TANC2: variants seen among roughly 807,000 people sequenced by gnomAD.
TANC2 encodes the protein protein TANC2.
TANC2 carries 26 observed loss-of-function variants against 210.5 expected under a neutral mutation model. The ratio of observed to expected loss-of-function variants is 0.12; its 90% CI spans 0.09 to 0.17. The LOEUF (loss-of-function observed/expected upper bound fraction) is 0.17, where lower values mean the gene tolerates loss of function less well. Among genes scored for constraint, TANC2 ranks in the 10% least tolerant of loss-of-function variants. The pLI is 1.00. For synonymous variants in TANC2, 931 were observed against 967.1 expected (o/e 0.96, Z 0.69); for missense variants, 2,129 against 2,608.9 (o/e 0.82, Z 4.01).
At chr17:63,405,768 T>C (rs369569441) in intron 20 of TANC2, among the ~76,000 whole-genome samples, 8 of 152,106 alleles carry the variant, frequency 5.3e-5, no homozygotes, top group African/African-American at 1.9e-4. Context: ...CCCTAAAGAG[T>C]TACCAGAGTC....
At chr17:63,098,475 CACACA>C (rs2037484913) in intron 3 of TANC2, among the ~76,000 whole-genome samples, 21 of 34,576 alleles carry the variant, frequency 6.1e-4, no homozygotes, top group African/African-American at 3.4e-3. Flanking sequence ...CACACACACA[CACACA>C]TACACTCTCT....
chr17:63,093,696 A>G (rs7208851), intron 3 of TANC2, among the ~76,000 whole-genome samples: 2 of 152,182 alleles, frequency 1.3e-5, no homozygotes, highest in Non-Finnish European at 2.9e-5. Context: ...AAACCTGTAG[A>G]TCACTTTGGA....
At chr17:63,296,719 A>T (rs1237240616) in intron 9 of TANC2, among the ~76,000 whole-genome samples, 1 of 152,252 alleles carries the variant, frequency 6.6e-6, no homozygotes, top group Non-Finnish European at 1.5e-5. Context: ...CAACAGAGAC[A>T]GAAATTATAA....
intron 4 of TANC2, among the ~76,000 whole-genome samples, chr17:63,121,993 A>C (rs1488322923): frequency 1.2e-5 from 1 of 81,818 alleles, no homozygotes; most frequent in Non-Finnish European, 2.5e-5. Context: ...GAAGAGGGGG[A>C]GGGGAGGGTG....
At chr17:63,223,239 A>C (rs2042242252) in intron 7 of TANC2, among the ~76,000 whole-genome samples, 1 of 152,202 alleles carries the variant, frequency 6.6e-6, no homozygotes, top group African/African-American at 2.4e-5. Context: ...GTTCACTTTG[A>C]TGCAGGTGCA....
chr17:63,047,240 C>T lies in TANC2; in HGVS notation c.68-26703C>T, dbSNP rs1598309980. On this transcript the variant is annotated intron_variant, in intron 2 of 27. Transcript: ENST00000689528. ...CAATATTAGAAAAACAAAAGTAGAT[C>T]CAATTAGAAATGAAGCTGGAAAAGT... is the stretch of plus-strand genomic sequence containing the variant. Among the ~76,000 whole-genome samples, 3 of 152,072 alleles carry T rather than the reference C, an allele frequency of 2.0e-5. No homozygotes were observed. In the South Asian group the frequency reaches 6.2e-4, roughly 32 times the overall value.
chr17:63,203,241 C>A (rs981346022), intron 7 of TANC2, among the ~76,000 whole-genome samples: 1 of 152,014 alleles, frequency 6.6e-6, no homozygotes, highest in South Asian at 2.1e-4. Flanking sequence ...CTCTTAAAAC[C>A]GTAAGTTTTT....
chr17:63,382,117 C>G (rs1309268726), intron 15 of TANC2, among the ~76,000 whole-genome samples: 2 of 152,174 alleles, frequency 1.3e-5, no homozygotes, highest in Non-Finnish European at 2.9e-5. Flanking sequence ...CTCCACTAAC[C>G]AGAAGAAATC....
Position 63,250,798 on chromosome 17 carries a change from A to G in TANC2, c.1033+12721A>G, listed in dbSNP as rs149510362. Reference sequence around the variant, plus strand: ...TATTGCTGGGAAAAGTAATGTTAGTAAGTAATGTTACCCAGGCTGGTAATT... The same window carrying G: ...TATTGCTGGGAAAAGTAATGTTAGTGAGTAATGTTACCCAGGCTGGTAATT... On this transcript the variant is annotated intron_variant, in intron 8 of 27. Coordinates refer to ENST00000689528, the Ensembl canonical transcript of TANC2. 4.3e-3 allele frequency among the ~76,000 whole-genome samples: 657 copies of G among 152,304 alleles called. 5 individuals carry two copies. Among genetic ancestry groups the G allele is most frequent in the Non-Finnish European group, 7.2e-3 (493 of 68,018 alleles).
chr17:63,349,628 T>G (rs1376502842), intron 12 of TANC2, among the ~76,000 whole-genome samples: 2 of 152,210 alleles, frequency 1.3e-5, no homozygotes, highest in Non-Finnish European at 2.9e-5. Flanking sequence ...CTTGAAAATA[T>G]TGCAGTGGCC....
chr17:63,282,478 T>C (rs1378310936), intron 9 of TANC2, among the ~76,000 whole-genome samples: 2 of 152,126 alleles, frequency 1.3e-5, no homozygotes, highest in Non-Finnish European at 2.9e-5. Context: ...AAATTGAACC[T>C]GCTATCAGAA....
intron 4 of TANC2, chr17:63,117,177 T>C (rs1426094426): frequency 6.6e-6 from 1 of 152,246 alleles, no homozygotes; most frequent in East Asian, 1.9e-4. Context: ...GCTGCACTGC[T>C]AGCCTTCCTT....
At chr17:63,050,241 C>T (rs370564538) in intron 2 of TANC2, among the ~76,000 whole-genome samples, 7 of 151,618 alleles carry the variant, frequency 4.6e-5, no homozygotes, top group Admixed American at 6.6e-5. Flanking sequence ...TGGTGGTGCA[C>T]GCCTACTCAG....
At chr17:63,018,143 A>G (rs958056961) in intron 2 of TANC2, among the ~76,000 whole-genome samples, 6 of 152,058 alleles carry the variant, frequency 3.9e-5, no homozygotes, top group African/African-American at 1.4e-4. Flanking sequence ...AAAAAAGAGC[A>G]GTTATTTTCT....
intron 5 of TANC2, among the ~76,000 whole-genome samples, chr17:63,169,370 T>TTC (rs376519668): frequency 3.9e-5 from 6 of 152,130 alleles, no homozygotes; most frequent in Non-Finnish European, 7.3e-5. Context: ...TGATGATTTT[T>TTC]TCTCTCTCTC....
At chr17:63,347,068 A>G (rs936078140) in intron 12 of TANC2, among the ~76,000 whole-genome samples, 1 of 152,186 alleles carries the variant, frequency 6.6e-6, no homozygotes, top group African/African-American at 2.4e-5. Context: ...ATTGCTACGT[A>G]TTTACCCAAG....
intron 7 of TANC2, among the ~76,000 whole-genome samples, chr17:63,222,821 C>G (rs899853805): frequency 1.3e-5 from 2 of 152,036 alleles, no homozygotes; most frequent in African/African-American, 4.8e-5. Flanking sequence ...GGTAGTCAAA[C>G]AGATACTACA....
chr17:63,124,525 GAGAA>G (rs1018536293), intron 4 of TANC2, among the ~76,000 whole-genome samples: 2 of 152,184 alleles, frequency 1.3e-5, no homozygotes, highest in Non-Finnish European at 2.9e-5. Flanking sequence ...CATTAAAGAG[GAGAA>G]AGAAAGAGAG....
intron 14 of TANC2, among the ~76,000 whole-genome samples, chr17:63,374,214 T>A (rs1002339697): frequency 2.6e-5 from 4 of 151,828 alleles, no homozygotes; most frequent in African/African-American, 9.7e-5. Flanking sequence ...CTTTTTAACT[T>A]TTTTGTAGAG....
Sources: gnomAD v4.1 joint callset for allele counts (sites outside exome capture counted in the v4.1 genomes callset) on GRCh38, gnomAD v4.1.1 for gene constraint, MANE v1.5 for transcripts, NCBI Gene and HGNC (gene_info 2026-07-23, HGNC 2026-07-21) for gene names.